Variants in GALNT8 observed in about 807,000 individuals in gnomAD.
GALNT8 encodes the protein probable polypeptide N-acetylgalactosaminyltransferase 8.
A neutral mutation model predicts 62.7 loss-of-function variants in GALNT8; 66 were observed. That is an observed-to-expected ratio of 1.05 (90% CI 0.86 to 1.29). The LOEUF (loss-of-function observed/expected upper bound fraction) is 1.29. Among genes scored for constraint, GALNT8 ranks in the 50% most tolerant of loss-of-function variants. GALNT8 has a pLI of 0.00. For synonymous variants in GALNT8, 288 were observed against 294.3 expected (o/e 0.98, Z 0.22); for missense variants, 771 against 791.8 (o/e 0.97, Z 0.32).
chr12:4,721,883 G>A (rs149034565), intron 1 of GALNT8, among the ~76,000 whole-genome samples: 5,671 of 133,450 alleles, frequency 0.042, no homozygotes, highest in African/African-American at 0.077. Flanking sequence ...GGCTTTCCTA[G>A]GCAGAGGTCC....
At chr12:4,764,605 G>A (rs1946389977) in intron 9 of GALNT8, among the ~76,000 whole-genome samples, 1 of 146,570 alleles carries the variant, frequency 6.8e-6, no homozygotes, top group Admixed American at 6.9e-5. Flanking sequence ...GTGCAGTGGC[G>A]CGGTCTCAGC....
In GALNT8 at chr12:4,720,785, G is replaced by C; in HGVS notation, c.108G>C (p.Leu36=). Residue 36 remains leucine (L), a synonymous_variant, in exon 1 of 11, where the codon CTG becomes CTC. Transcript: ENST00000252318. ...VFSSKGTLQN[L]FTGGLHRELP... is the part of the protein sequence containing the mutation. ...CTAGCAAGGGGACTTTACAAAACCT[G>C]TTTACGGGTGGTCTCCACAGGGAGC... 1 of 1,612,262 alleles carries C rather than the reference G, an allele frequency of 6.2e-7. No individual in the cohort carries two copies. Among genetic ancestry groups the C allele is most frequent in the Non-Finnish European group, 8.5e-7 (1 of 1,178,262 alleles).
rs931911811 is a variant in GALNT8 at position 4,720,661 on chromosome 12, C to T, written c.-17C>T. 28 of 1,543,846 alleles carry T rather than the reference C, an allele frequency of 1.8e-5. No individual in the cohort carries two copies. Among genetic ancestry groups the T allele is most frequent in the African/African-American group, 5.4e-5 (4 of 73,516 alleles). On this transcript the variant is annotated 5_prime_UTR_variant, in exon 1 of 11. The change creates a new upstream start codon in the 5' untranslated region. Coordinates refer to ENST00000252318, the MANE Select transcript of GALNT8 (RefSeq NM_017417.2). ...CACACTCAGTCCCACAGGGAGTGGA[C>T]GACCCCCAGGAAGAAGATGATGTTT...
chr12:4,739,774 C>G (rs372527428), intron 3 of GALNT8, among the ~76,000 whole-genome samples: 16 of 151,786 alleles, frequency 1.1e-4, no homozygotes, highest in African/African-American at 3.9e-4. Context: ...GCGCCATTCT[C>G]CTGCCTCAGC....
At chr12:4,739,966 C>G (rs1306370145) in intron 3 of GALNT8, among the ~76,000 whole-genome samples, 1 of 152,152 alleles carries the variant, frequency 6.6e-6, no homozygotes, top group African/African-American at 2.4e-5. Flanking sequence ...TGTGCCCGGC[C>G]ACCTGTGCCC....
rs1240559554 is a variant in GALNT8, at chr12:4,720,478, A to G, written c.-200A>G. The G allele has an allele frequency of 2.7e-5, 16 of 583,924 alleles. No homozygotes were observed. The highest frequency in any genetic ancestry group is 4.6e-5 in the Non-Finnish European group (15 of 327,270). 36.2% of individuals were successfully genotyped at this position (583,924 alleles called of 1,614,324 possible). On this transcript the variant is annotated 5_prime_UTR_variant, in exon 1 of 11. The change creates a new upstream start codon in the 5' untranslated region. Coordinates refer to ENST00000252318, the MANE Select transcript of GALNT8 (RefSeq NM_017417.2). ...CTGAGCGGTTATCCTCTCGGGGCAT[A>G]AAGACAAAGAAGGCAATAAGGAGAC...
At chr12:4,734,696 A>G (rs896550261) in intron 2 of GALNT8, among the ~76,000 whole-genome samples, 8 of 123,504 alleles carry the variant, frequency 6.5e-5, no homozygotes, top group Non-Finnish European at 1.4e-4. Flanking sequence ...GGTCATACCA[A>G]TCCTTTGCTT....
Position 4,720,470 on chromosome 12 carries a change from C to A in GALNT8, c.-208C>A. ...GAAAGCCGCTGAGCGGTTATCCTCT[C>A]GGGGCATAAAGACAAAGAAGGCAAT... On this transcript the variant is annotated 5_prime_UTR_variant, in exon 1 of 11. Transcript: ENST00000252318. 1 of 570,628 alleles carries A rather than the reference C, an allele frequency of 1.8e-6. No homozygotes were observed. The highest frequency in any genetic ancestry group is 3.1e-6 in the Non-Finnish European group (1 of 321,744). 35.3% of individuals were successfully genotyped at this position (570,628 alleles called of 1,614,324 possible).
At chr12:4,734,510 T>C (rs1946235715) in intron 2 of GALNT8, among the ~76,000 whole-genome samples, 1 of 152,092 alleles carries the variant, frequency 6.6e-6, no homozygotes, top group African/African-American at 2.4e-5. Context: ...ATTTGAATAA[T>C]GAATGAGATG....
chr12:4,747,772 A>AT (rs569098575), intron 6 of GALNT8, among the ~76,000 whole-genome samples: 3 of 151,530 alleles, frequency 2.0e-5, no homozygotes, highest in Admixed American at 6.6e-5. Context: ...CTCTATTTTT[A>AT]TTTTTTTTCT....
chr12:4,752,697 G>A (rs1201701956), intron 6 of GALNT8, among the ~76,000 whole-genome samples: 1 of 152,140 alleles, frequency 6.6e-6, no homozygotes. Flanking sequence ...TAGGATAAGA[G>A]TAGTTTATAC....
rs763975830 is a variant in GALNT8, at chr12:4,726,880, T to A, written c.509+51T>A. Reference sequence around the variant, plus strand: ...TAGGGTCCTCAGTTTGATTTGAGGATGAGCTTTGGGAGCAGTGAACATTGA... The same window carrying A: ...TAGGGTCCTCAGTTTGATTTGAGGAAGAGCTTTGGGAGCAGTGAACATTGA... On this transcript the variant is annotated intron_variant, in intron 2 of 10. Coordinates refer to ENST00000252318, the MANE Select transcript of GALNT8 (RefSeq NM_017417.2). The surrounding 1 kb of genome is among the most constrained non-coding windows in gnomAD (Gnocchi z 4.1). The A allele has an allele frequency of 3.4e-6, 5 of 1,485,450 alleles. No homozygotes were observed. The East Asian group carries it at 1.1e-4, about 34-fold the overall frequency. The allele number at this position is 1,485,450 out of a possible 1,614,324, so 92.0% of individuals were successfully genotyped here.
rs770639044 is a variant in GALNT8, at chr12:4,745,466, A to G, written c.898A>G (p.Thr300Ala). 9.3e-6 allele frequency: 15 copies of G among 1,612,982 alleles called. No homozygotes were observed. The highest frequency in any genetic ancestry group is 1.3e-5 in the Non-Finnish European group (15 of 1,178,946). The change falls in exon 5 of 11, where the codon ACT (threonine) becomes GCT (alanine). Residue 300 changes from threonine (T) to alanine (A), a missense_variant. Thr to Ala is a moderately conservative substitution (Grantham distance 58). Coordinates refer to ENST00000252318, the MANE Select transcript of GALNT8 (RefSeq NM_017417.2). ...PILARIQEDR[T>A]VIVSPVFDNI... ...CTTGGCTCGGATTCAGGAGGACCGC[A>G]CTGTGATTGTGTCTCCTGTGTTTGA...
At chr12:4,730,147 C>T (rs533717706) in intron 2 of GALNT8, among the ~76,000 whole-genome samples, 2 of 151,910 alleles carry the variant, frequency 1.3e-5, no homozygotes, top group African/African-American at 4.8e-5. Context: ...CAAATATTTC[C>T]TCTCATTCTG....
At chr12:4,759,191 A>G (rs1013359013) in intron 6 of GALNT8, among the ~76,000 whole-genome samples, 1 of 152,162 alleles carries the variant, frequency 6.6e-6, no homozygotes, top group African/African-American at 2.4e-5. Flanking sequence ...GGAGTAAGGT[A>G]ATATTTGGAT....
chr12:4,768,497 C>A, intron 10 of GALNT8: 1 of 346,656 alleles, frequency 2.9e-6, no homozygotes, highest in Non-Finnish European at 5.8e-6. Flanking sequence ...GGTTGCCTTG[C>A]CAAGAAAATT....
intron 8 of GALNT8, among the ~76,000 whole-genome samples, 169 bp downstream of exon 8, chr12:4,763,559 A>G (rs1376050352): frequency 6.6e-6 from 1 of 151,838 alleles, no homozygotes; most frequent in African/African-American, 2.4e-5. Context: ...TTGCTCCCCG[A>G]TCCCCATCTC....
chr12:4,727,090 G>A (rs948623865), intron 2 of GALNT8, among the ~76,000 whole-genome samples: 1 of 152,188 alleles, frequency 6.6e-6, no homozygotes, highest in Admixed American at 6.5e-5. Flanking sequence ...CAGAGAAACA[G>A]AGATATGGTG....
In GALNT8 at chr12:4,739,307, G is replaced by T. The variant is rs755711656; in HGVS notation, c.654G>T (p.Leu218Phe). 1.9e-6 allele frequency: 3 copies of T among 1,612,676 alleles called. No individual in the cohort carries two copies. The highest frequency in any genetic ancestry group is 2.5e-6 in the Non-Finnish European group (3 of 1,179,128). ...TPSRLLKEII[L>F]VDDFSSNGEL... ...CTCGATTGTTGAAGGAAATCATCTT[G>T]GTGGATGATTTCAGCTCAAATGGTG... Residue 218 changes from leucine (L) to phenylalanine (F), a missense_variant, in exon 3 of 11, where the codon TTG becomes TTT. Coordinates refer to ENST00000252318, the MANE Select transcript of GALNT8 (RefSeq NM_017417.2).
Sources: gnomAD v4.1 joint callset for allele counts (sites outside exome capture counted in the v4.1 genomes callset) on GRCh38, gnomAD v4.1.1 for gene constraint, Gnocchi (gnomAD v3.1) non-coding constraint, MANE v1.5 for transcripts, NCBI Gene and HGNC (gene_info 2026-07-23, HGNC 2026-07-21) for gene names.